Variants in ERC2 observed in about 807,000 individuals in gnomAD.
ERC2 encodes the protein ERC protein 2.
Under a neutral mutation model 114.8 loss-of-function variants are expected in ERC2, and 42 were observed. The observed-to-expected ratio is 0.37, with a 90% CI of 0.29 to 0.47. The LOEUF is 0.47. Ranked by LOEUF, ERC2 falls within the 20% of genes least tolerant of loss-of-function variation. ERC2 has a pLI of 0.99. For missense variants in ERC2, 939 were observed against 1,150.7 expected (o/e 0.82, Z 2.66); for synonymous variants, 454 against 425.5 (o/e 1.07, Z -0.82).
chr3:55,993,485 T>C (rs1004658519), intron 10 of ERC2, among the ~76,000 whole-genome samples: 4 of 152,126 alleles, frequency 2.6e-5, no homozygotes, highest in African/African-American at 7.2e-5. Context: ...GGTTTGACAG[T>C]CTTTGCAATG....
chr3:55,850,845 A>ACACACACACACAC (rs2061537172), intron 14 of ERC2, among the ~76,000 whole-genome samples: 1 of 125,870 alleles, frequency 7.9e-6, no homozygotes, highest in Non-Finnish European at 1.7e-5. Context: ...CTCTTTTTCA[A>ACACACACACACAC]ACACACACAC....
intron 16 of ERC2, among the ~76,000 whole-genome samples, chr3:55,684,317 C>T (rs1427494648): frequency 6.8e-6 from 1 of 148,018 alleles, no homozygotes; most frequent in African/African-American, 2.4e-5. Flanking sequence ...AACACACACA[C>T]ACACGCACAC....
rs112524885 is a variant in ERC2, at chr3:55,962,081, T to A, written c.2268-11521A>T. The stretch of plus-strand genomic sequence containing the variant: ...TAACAATGACAACCTAGAGTTATCA[T>A]TCCTAGAAAGCTAATTTTCAAAATT... On this transcript the variant is annotated intron_variant, in intron 12 of 17. Transcript: ENST00000288221. 5.3e-3 allele frequency among the ~76,000 whole-genome samples: 814 copies of A among 152,292 alleles called. 10 individuals are homozygous for A. Among genetic ancestry groups the A allele is most frequent in the African/African-American group, 0.019 (781 of 41,556 alleles).
At chr3:55,902,798 C>G (rs1214435669) in intron 13 of ERC2, among the ~76,000 whole-genome samples, 1 of 152,186 alleles carries the variant, frequency 6.6e-6, no homozygotes, top group Non-Finnish European at 1.5e-5. Flanking sequence ...CTGCTTCTCA[C>G]CTGGCTCCAC....
intron 17 of ERC2, among the ~76,000 whole-genome samples, chr3:55,621,091 T>G (rs1293507877): frequency 1.3e-5 from 2 of 152,056 alleles, no homozygotes; most frequent in Non-Finnish European, 2.9e-5. Flanking sequence ...ATTAGCATCA[T>G]CCATACCCCA....
intron 1 of ERC2, among the ~76,000 whole-genome samples, chr3:56,443,444 C>G (rs1044448552): frequency 6.6e-6 from 1 of 152,124 alleles, no homozygotes; most frequent in African/African-American, 2.4e-5. Context: ...ACCATTTCAC[C>G]CCCGGCTGCA....
At position 56,126,860 on chromosome 3, in the gene ERC2, G is replaced by GGAAAGGAAAA. The variant is rs1338437276; in HGVS notation, c.1473+12648_1473+12649insTTTTCCTTTC. 1.7e-3 allele frequency among the ~76,000 whole-genome samples: 237 copies of GGAAAGGAAAA among 136,900 alleles called. 2 individuals carry two copies. Among genetic ancestry groups the GGAAAGGAAAA allele is most frequent in the African/African-American group, 6.0e-3 (215 of 35,956 alleles). The allele number at this position is 136,900 out of a possible 152,430, so 89.8% of individuals were successfully genotyped here. A position where few individuals can be genotyped will look rare whatever the true frequency, so the allele number is the denominator to read the frequency against. On this transcript the variant is annotated intron_variant, in intron 6 of 17. Transcript: ENST00000288221. ...GGAAAGGAAAGGAAAGGAAAAGAAA[G>GGAAAGGAAAA]GCAAGGCAAGGCAAGGCAAGGCAAG... is the stretch of plus-strand genomic sequence containing the variant.
intron 17 of ERC2, among the ~76,000 whole-genome samples, chr3:55,548,198 A>T (rs1490746563): frequency 6.6e-6 from 1 of 152,258 alleles, no homozygotes; most frequent in Non-Finnish European, 1.5e-5. Context: ...GCTGATGTGA[A>T]TGCCTGTGGG....
chr3:55,788,983 C>G (rs2069749678), intron 14 of ERC2, among the ~76,000 whole-genome samples: 1 of 152,186 alleles, frequency 6.6e-6, no homozygotes, highest in South Asian at 2.1e-4. Flanking sequence ...CACGAGTTCT[C>G]TAACACCACA....
intron 2 of ERC2, among the ~76,000 whole-genome samples, chr3:56,424,482 C>T (rs921962604): frequency 1.3e-5 from 2 of 152,174 alleles, no homozygotes; most frequent in South Asian, 2.1e-4. Flanking sequence ...ATGGCTGATT[C>T]TAGGGCCGAC....
chr3:56,295,886 A>T (rs991871682), intron 3 of ERC2, 133 bp downstream of exon 3: 7 of 952,982 alleles, frequency 7.3e-6, no homozygotes, highest in African/African-American at 3.3e-5. Flanking sequence ...TTAAGCCGGC[A>T]GGAAGGTCAT....
intron 2 of ERC2, among the ~76,000 whole-genome samples, chr3:56,389,856 T>G (rs1247051034): frequency 6.6e-6 from 1 of 152,054 alleles, no homozygotes; most frequent in Non-Finnish European, 1.5e-5. Flanking sequence ...TGCCTTTAAC[T>G]AGGAAGGGTA....
intron 17 of ERC2, among the ~76,000 whole-genome samples, chr3:55,642,299 C>T (rs796474824): frequency 9.2e-5 from 14 of 151,952 alleles, no homozygotes; most frequent in Middle Eastern, 3.4e-3. Flanking sequence ...CTGGCTCCTA[C>T]GCTTTCCACA....
intron 3 of ERC2, among the ~76,000 whole-genome samples, chr3:56,260,590 C>T (rs983699702): frequency 6.6e-6 from 1 of 152,148 alleles, no homozygotes; most frequent in African/African-American, 2.4e-5. Context: ...AGCATCCTTC[C>T]TTCAGTCAAA....
chr3:55,849,057 A>G (rs1473580780), intron 14 of ERC2, among the ~76,000 whole-genome samples: 1 of 152,160 alleles, frequency 6.6e-6, no homozygotes, highest in Non-Finnish European at 1.5e-5. Context: ...GCTCTATGGT[A>G]GGTGAGTCCA....
intron 3 of ERC2, among the ~76,000 whole-genome samples, chr3:56,243,002 A>G (rs1302824113): frequency 6.6e-6 from 1 of 152,090 alleles, no homozygotes; most frequent in African/African-American, 2.4e-5. Context: ...TTTACCCTCC[A>G]TTTTACCCTT....
chr3:56,090,655 T>G (rs955774784), intron 6 of ERC2, among the ~76,000 whole-genome samples: 10 of 151,652 alleles, frequency 6.6e-5, no homozygotes, highest in Non-Finnish European at 1.3e-4. Context: ...CATGATATAT[T>G]TTCATATTTT....
At chr3:56,025,573 A>G (rs1441916776) in intron 7 of ERC2, among the ~76,000 whole-genome samples, 1 of 152,164 alleles carries the variant, frequency 6.6e-6, no homozygotes, top group African/African-American at 2.4e-5. Context: ...ACCAGCAACC[A>G]AGCATTTCTC....
intron 17 of ERC2, among the ~76,000 whole-genome samples, chr3:55,667,679 T>C (rs1474783233): frequency 6.6e-6 from 1 of 152,210 alleles, no homozygotes; most frequent in Non-Finnish European, 1.5e-5. Context: ...GCACTTCACT[T>C]AGTGCCTGGC....
Sources: allele counts gnomAD v4.1 joint callset (sites outside exome capture counted in the v4.1 genomes callset), GRCh38; gene constraint gnomAD v4.1.1; transcripts MANE v1.5; gene names NCBI Gene and HGNC (gene_info 2026-07-23, HGNC 2026-07-21).